The following STXBP5L variants were observed in gnomAD, a reference collection of about 807,000 sequenced individuals.
STXBP5L encodes syntaxin binding protein 5L.
A neutral mutation model predicts 144.5 loss-of-function variants in STXBP5L; 65 were observed. The ratio of observed to expected loss-of-function variants is 0.45; its 90% CI spans 0.37 to 0.55. The LOEUF is 0.55. Ranked by LOEUF, STXBP5L falls within the 20% of genes least tolerant of loss-of-function variation. STXBP5L has a pLI of 0.00. For missense variants in STXBP5L, 1,298 were observed against 1,405.5 expected, an observed-to-expected ratio of 0.92 and a Z score of 1.22; for synonymous variants, 505 against 469.6, an observed-to-expected ratio of 1.08 and a Z score of -0.97.
chr3:121,315,402 A>G (rs2043747519), intron 19 of STXBP5L, among the ~76,000 whole-genome samples: 1 of 150,186 alleles, frequency 6.7e-6, no homozygotes, highest in Admixed American at 6.7e-5. Context: ...ACCAAACACT[A>G]CATATTCTCA....
chr3:121,422,565 T>C lies in STXBP5L; in HGVS notation c.*3468T>C, dbSNP rs1239824199. 3.9e-5 allele frequency: 6 copies of C among 152,186 alleles called. No homozygotes were observed. Among genetic ancestry groups the C allele is most frequent in the Admixed American group, 3.9e-4 (6 of 15,264 alleles). 9.4% of individuals were successfully genotyped at this position (152,186 alleles called of 1,614,324 possible). A position where few individuals can be genotyped will look rare whatever the true frequency, so the allele number is the denominator to read the frequency against. ...GGAATGATTGATTCCTCATTTGTTT[T>C]AATCACCTACAAAAGCAGTACTACT... On this transcript the variant is annotated 3_prime_UTR_variant, in exon 27 of 27. Coordinates refer to ENST00000471454, the MANE Select transcript of STXBP5L (RefSeq NM_001308330.2).
At chr3:121,230,796 T>C (rs1287824097) in intron 11 of STXBP5L, among the ~76,000 whole-genome samples, 1 of 152,188 alleles carries the variant, frequency 6.6e-6, no homozygotes, top group Non-Finnish European at 1.5e-5. Flanking sequence ...ACTTCGTCAC[T>C]GTTAAACTAA....
intron 5 of STXBP5L, among the ~76,000 whole-genome samples, chr3:121,070,320 C>G (rs2041750371): frequency 6.6e-6 from 1 of 152,150 alleles, no homozygotes; most frequent in African/African-American, 2.4e-5. Context: ...GACCCTGCAG[C>G]CATGCAGGAA....
At chr3:121,006,282 A>T (rs1944294826) in intron 3 of STXBP5L, among the ~76,000 whole-genome samples, 1 of 152,058 alleles carries the variant, frequency 6.6e-6, no homozygotes, top group South Asian at 2.1e-4. Context: ...CTTCTTGTTG[A>T]ATTGATCCCT....
At chr3:121,052,618 G>T (rs1316594328) in intron 5 of STXBP5L, among the ~76,000 whole-genome samples, 2 of 152,118 alleles carry the variant, frequency 1.3e-5, no homozygotes, top group African/African-American at 4.8e-5. Context: ...AGCTATCTAT[G>T]ACAAACCCAC....
chr3:121,192,752 G>A (rs1458156352), intron 9 of STXBP5L, among the ~76,000 whole-genome samples: 1 of 152,146 alleles, frequency 6.6e-6, no homozygotes, highest in Non-Finnish European at 1.5e-5. Flanking sequence ...ATGGTGCTGG[G>A]AAAACTGGCT....
chr3:121,378,446 C>A (rs902774120), intron 20 of STXBP5L, among the ~76,000 whole-genome samples: 1 of 152,050 alleles, frequency 6.6e-6, no homozygotes. Context: ...TGACAGAATA[C>A]ATGGTAGAGA....
intron 9 of STXBP5L, among the ~76,000 whole-genome samples, chr3:121,169,532 G>A (rs2046627758): frequency 6.6e-6 from 1 of 152,122 alleles, no homozygotes; most frequent in Admixed American, 6.6e-5. Flanking sequence ...AAAAGAAAAA[G>A]CAAGAGTTGC....
chr3:121,148,096 A>G (rs1252412423), intron 7 of STXBP5L, among the ~76,000 whole-genome samples: 1 of 152,116 alleles, frequency 6.6e-6, no homozygotes, highest in Non-Finnish European at 1.5e-5. Flanking sequence ...CATAATAAAT[A>G]TCTTTTTCTA....
chr3:120,994,233 A>G (rs1266882819), intron 3 of STXBP5L, among the ~76,000 whole-genome samples: 1 of 152,072 alleles, frequency 6.6e-6, no homozygotes, highest in African/African-American at 2.4e-5. Flanking sequence ...TTATTTCTGC[A>G]AAGGGACAGT....
intron 3 of STXBP5L, among the ~76,000 whole-genome samples, chr3:120,995,242 G>C (rs1943245694): frequency 6.6e-6 from 1 of 152,066 alleles, no homozygotes; most frequent in African/African-American, 2.4e-5. Context: ...TGACCTTCTA[G>C]GCTCAAGCGA....
chr3:121,029,084 C>T (rs908663207), intron 3 of STXBP5L, among the ~76,000 whole-genome samples: 3 of 152,026 alleles, frequency 2.0e-5, no homozygotes, highest in African/African-American at 7.2e-5. Context: ...GAATCAATAT[C>T]GTGCAAATGG....
rs530753308 is a variant in STXBP5L at position 121,076,508 on chromosome 3, G to A, written c.470+30973G>A. 5.3e-5 allele frequency among the ~76,000 whole-genome samples: 8 copies of A among 152,200 alleles called. No homozygotes were observed. The East Asian group carries it at 1.2e-3, about 22-fold the overall frequency. Reference sequence around the variant, plus strand: ...AGTCTTACAGTAGGTCTTAAAGTAGGCTGCAGTGCCCTGCAGCCACTCAGG... The same window carrying A: ...AGTCTTACAGTAGGTCTTAAAGTAGACTGCAGTGCCCTGCAGCCACTCAGG... On this transcript the variant is annotated intron_variant, in intron 5 of 26. Coordinates refer to ENST00000471454, the MANE Select transcript of STXBP5L (RefSeq NM_001308330.2).
intron 7 of STXBP5L, among the ~76,000 whole-genome samples, chr3:121,139,472 C>T (rs1047088071): frequency 6.6e-6 from 1 of 152,054 alleles, no homozygotes; most frequent in Non-Finnish European, 1.5e-5. Context: ...AATTAACTTA[C>T]CCAAGATCGT....
chr3:121,136,367 G>A lies in STXBP5L; in HGVS notation c.669+14663G>A, dbSNP rs142463911. The stretch of plus-strand genomic sequence containing the variant: ...CAGGCAGAGCCTCTAGACCTGCCCT[G>A]GTGTCAGTTAGGAACCCATGGGCCC... On this transcript the variant is annotated intron_variant, in intron 7 of 26. Transcript: ENST00000471454. Among the ~76,000 whole-genome samples, 1,407 of 152,224 alleles carry A rather than the reference G, an allele frequency of 9.2e-3. 14 individuals carry two copies. The highest frequency in any genetic ancestry group is 0.015 in the Non-Finnish European group (1,041 of 68,008).
chr3:121,017,503 CTTTG>C lies in STXBP5L; in HGVS notation c.288-24192_288-24189del, dbSNP rs144660662. Among the ~76,000 whole-genome samples the C allele has an allele frequency of 2.5e-3, 386 of 152,296 alleles. 1 individual carries two copies. Among genetic ancestry groups the C allele is most frequent in the African/African-American group, 8.7e-3 (361 of 41,590 alleles). ...ATTGGGAAGGAAGAAATAACACTAT[CTTTG>C]TTTGCAGATTACATGATTATGTAGC... On this transcript the variant is annotated intron_variant, in intron 3 of 26. Transcript: ENST00000471454.
In STXBP5L at chr3:120,996,333, T is replaced by G. The variant is rs74768195; in HGVS notation, c.287+41296T>G. ...TTTTTAGTGATAGTTATTTTTAATT[T>G]AAAAATTTAAATTAATATAATGTAT... On this transcript the variant is annotated intron_variant, in intron 3 of 26. Transcript: ENST00000471454. Among the ~76,000 whole-genome samples, 594 of 151,936 alleles carry G rather than the reference T, an allele frequency of 3.9e-3. 7 individuals are homozygous for G. The highest frequency in any genetic ancestry group is 8.4e-3 in the African/African-American group (347 of 41,498).
intron 3 of STXBP5L, among the ~76,000 whole-genome samples, chr3:121,036,772 A>ATTTTTTTTTTTTTTTTTTTTTTTTTTTTT (rs3863971): frequency 8.2e-6 from 1 of 122,224 alleles, no homozygotes; most frequent in Non-Finnish European, 1.7e-5. Context: ...ACATTGATTG[A>ATTTTTTTTTTTTTTTTTTTTTTTTTTTTT]TTTTTTTTTT....
At chr3:121,002,861 C>T (rs1943906340) in intron 3 of STXBP5L, among the ~76,000 whole-genome samples, 3 of 152,172 alleles carry the variant, frequency 2.0e-5, no homozygotes, top group South Asian at 2.1e-4. Flanking sequence ...CAGCTTCATC[C>T]ATGTCCCTAC....
Sources: gnomAD v4.1 joint callset for allele counts (sites outside exome capture counted in the v4.1 genomes callset) on GRCh38, gnomAD v4.1.1 for gene constraint, MANE v1.5 for transcripts, NCBI Gene and HGNC (gene_info 2026-07-23, HGNC 2026-07-21) for gene names.